The following ARHGAP15 variants were observed in gnomAD, a reference collection of about 807,000 sequenced individuals.
The protein encoded by ARHGAP15 is rho GTPase-activating protein 15.
A neutral mutation model predicts 63.7 loss-of-function variants in ARHGAP15; 51 were observed. That is an observed-to-expected ratio of 0.80 (90% CI 0.64 to 1.01). The LOEUF is 1.01. Ranked by LOEUF, ARHGAP15 falls within the 50% of genes least tolerant of loss-of-function variation. The probability of loss-of-function intolerance (pLI) is 0.00; values close to 1 mark genes in which losing one functional copy is unlikely to be tolerated. For synonymous variants in ARHGAP15, 191 were observed against 193.8 expected (o/e 0.99, Z 0.12); for missense variants, 560 against 564.6 (o/e 0.99, Z 0.08).
chr2:143,276,973 G>A (rs1260012440), intron 6 of ARHGAP15, among the ~76,000 whole-genome samples: 3 of 152,092 alleles, frequency 2.0e-5, no homozygotes, highest in South Asian at 2.1e-4. Context: ...AAATTGCATC[G>A]TTGGAGACTT....
intron 2 of ARHGAP15, among the ~76,000 whole-genome samples, chr2:143,183,329 T>A (rs1306927386): frequency 6.6e-6 from 1 of 152,192 alleles, no homozygotes; most frequent in Non-Finnish European, 1.5e-5. Flanking sequence ...CACTGATTTT[T>A]CATGACCAAT....
chr2:143,470,615 GTA>G (rs992605752), intron 8 of ARHGAP15, among the ~76,000 whole-genome samples: 2 of 149,290 alleles, frequency 1.3e-5, no homozygotes, highest in Non-Finnish European at 3.0e-5. Context: ...GTATATATGT[GTA>G]TATATATACA....
chr2:143,561,219 T>G (rs2105097210), intron 11 of ARHGAP15, among the ~76,000 whole-genome samples: 1 of 152,316 alleles, frequency 6.6e-6, no homozygotes, highest in East Asian at 1.9e-4. Flanking sequence ...TGCCTTAGGC[T>G]TATTGCCCAA....
At chr2:143,364,809 C>T (rs1165301011) in intron 6 of ARHGAP15, among the ~76,000 whole-genome samples, 1 of 152,188 alleles carries the variant, frequency 6.6e-6, no homozygotes, top group Non-Finnish European at 1.5e-5. Context: ...AGGCGGATCA[C>T]TTGAGGCCAG....
chr2:143,719,732 T>C (rs1225820350), intron 13 of ARHGAP15, among the ~76,000 whole-genome samples: 1 of 152,208 alleles, frequency 6.6e-6, no homozygotes, highest in Non-Finnish European at 1.5e-5. Context: ...CTACTATATT[T>C]TTCTAACTAG....
intron 9 of ARHGAP15, among the ~76,000 whole-genome samples, chr2:143,497,527 T>C (rs1053034937): frequency 6.6e-6 from 1 of 152,228 alleles, no homozygotes; most frequent in Non-Finnish European, 1.5e-5. Flanking sequence ...AGTTCCCTCC[T>C]GACTCCTAAA....
intron 6 of ARHGAP15, among the ~76,000 whole-genome samples, chr2:143,289,007 G>C (rs1268188182): frequency 6.6e-6 from 1 of 151,868 alleles, no homozygotes; most frequent in African/African-American, 2.4e-5. Flanking sequence ...TGTCACCACC[G>C]ACAGTAAGGT....
chr2:143,511,856 A>G (rs1174896363), intron 9 of ARHGAP15, among the ~76,000 whole-genome samples: 2 of 152,206 alleles, frequency 1.3e-5, no homozygotes, highest in Non-Finnish European at 2.9e-5. Flanking sequence ...AAATTCAACA[A>G]TGACAGTGTA....
chr2:143,334,283 CTAAA>C (rs1414175570), intron 6 of ARHGAP15, among the ~76,000 whole-genome samples: 5 of 152,010 alleles, frequency 3.3e-5, no homozygotes, highest in African/African-American at 4.8e-5. Flanking sequence ...GTTTTGCAGT[CTAAA>C]TAAGAAGCAC....
At chr2:143,681,593 A>C (rs975053360) in intron 12 of ARHGAP15, among the ~76,000 whole-genome samples, 7 of 152,234 alleles carry the variant, frequency 4.6e-5, no homozygotes, top group Admixed American at 2.6e-4. Flanking sequence ...TTTCTGTGGT[A>C]AGCATAGCGA....
At chr2:143,223,644 G>T (rs933398049) in intron 4 of ARHGAP15, among the ~76,000 whole-genome samples, 1 of 152,162 alleles carries the variant, frequency 6.6e-6, no homozygotes, top group Non-Finnish European at 1.5e-5. Flanking sequence ...CCCAGGTCAG[G>T]CTAAGACATG....
chr2:143,767,104 T>C (rs2381508), intron 13 of ARHGAP15, among the ~76,000 whole-genome samples: 1 of 152,232 alleles, frequency 6.6e-6, no homozygotes, highest in African/African-American at 2.4e-5. Flanking sequence ...TAGCACTCTT[T>C]CTTTCCATAT....
At chr2:143,204,246 A>G (rs1692238620) in intron 3 of ARHGAP15, among the ~76,000 whole-genome samples, 1 of 152,114 alleles carries the variant, frequency 6.6e-6, no homozygotes, top group South Asian at 2.1e-4. Flanking sequence ...AGTGGGAGTG[A>G]TCCTGTTAAA....
At chr2:143,413,503 G>A (rs2105028580) in intron 6 of ARHGAP15, among the ~76,000 whole-genome samples, 1 of 152,198 alleles carries the variant, frequency 6.6e-6, no homozygotes, top group South Asian at 2.1e-4. Context: ...TTTATTGATT[G>A]ATTCAGACAG....
At chr2:143,685,293 A>C (rs573149675) in intron 12 of ARHGAP15, among the ~76,000 whole-genome samples, 1 of 152,366 alleles carries the variant, frequency 6.6e-6, no homozygotes, top group East Asian at 1.9e-4. Context: ...ATTACAGTGC[A>C]GAAGCACTGC....
At chr2:143,550,465 G>T (rs944578865) in intron 10 of ARHGAP15, among the ~76,000 whole-genome samples, 2 of 152,134 alleles carry the variant, frequency 1.3e-5, no homozygotes, top group East Asian at 3.8e-4. Context: ...ACCTAGAGCC[G>T]CATTGTCTAA....
chr2:143,623,953 T>C (rs1698740249), intron 11 of ARHGAP15, among the ~76,000 whole-genome samples, 180 bp from the exon 12 acceptor site: 1 of 152,204 alleles, frequency 6.6e-6, no homozygotes, highest in South Asian at 2.1e-4. Context: ...TGGTATTCCA[T>C]TGAAAATGTT....
intron 3 of ARHGAP15, among the ~76,000 whole-genome samples, chr2:143,209,415 C>G (rs1247992846): frequency 6.6e-6 from 1 of 152,080 alleles, no homozygotes; most frequent in African/African-American, 2.4e-5. Context: ...TTGAGGCCAT[C>G]ACTGTGCTAG....
chr2:143,188,669 A>T (rs1691545432), intron 2 of ARHGAP15, among the ~76,000 whole-genome samples: 1 of 150,640 alleles, frequency 6.6e-6, no homozygotes, highest in South Asian at 2.1e-4. Flanking sequence ...CTCCCAAGCT[A>T]GAGTGCAATG....
Sources: allele counts gnomAD v4.1 joint callset (sites outside exome capture counted in the v4.1 genomes callset), GRCh38; gene constraint gnomAD v4.1.1; transcripts MANE v1.5; gene names NCBI Gene and HGNC (gene_info 2026-07-23, HGNC 2026-07-21).